Variants in MTREX observed in about 807,000 individuals in gnomAD.
MTREX encodes the protein exosome RNA helicase MTR4.
Under a neutral mutation model 135.4 loss-of-function variants are expected in MTREX, and 76 were observed. The observed-to-expected ratio is 0.56, with a 90% CI of 0.47 to 0.68. The LOEUF (loss-of-function observed/expected upper bound fraction) is 0.68. Ranked by LOEUF, MTREX falls within the 30% of genes least tolerant of loss-of-function variation. MTREX has a pLI of 0.00. For synonymous variants in MTREX, 404 were observed against 401.6 expected (o/e 1.01, Z -0.07); for missense variants, 920 against 1,262.1 (o/e 0.73, Z 4.11).
chr5:55,328,285 A>C (rs1749415593), intron 4 of MTREX, among the ~76,000 whole-genome samples: 1 of 152,202 alleles, frequency 6.6e-6, no homozygotes. Flanking sequence ...TACGGAGTGA[A>C]CTTTACTGAG....
intron 12 of MTREX, 129 bp downstream of exon 12, chr5:55,349,781 T>A: frequency 1.9e-6 from 1 of 537,962 alleles, no homozygotes; most frequent in Non-Finnish European, 3.3e-6. Flanking sequence ...TGATATGCCC[T>A]TAATGATACT....
In MTREX at chr5:55,349,582, AG is replaced by A. The variant is rs1445650082; in HGVS notation, c.1251del (p.Lys418ArgfsTer24). 6 of 1,586,450 alleles carry A rather than the reference AG, an allele frequency of 3.8e-6. No homozygotes were observed. Among genetic ancestry groups the A allele is most frequent in the Non-Finnish European group, 4.3e-6 (5 of 1,156,046 alleles). On this transcript the variant is annotated frameshift_variant, in exon 12 of 27. Coordinates refer to ENST00000230640, the MANE Select transcript of MTREX (RefSeq NM_015360.5). LOFTEE classifies it high-confidence loss of function. ...TTGAATTTTCTCCTAGATGAAGAAA[AG>A]AAGATGGTTGAAGAAGTATTCAGTA... ...TKLDFNTDEEKKMVEEVFSNA... is the reference protein window; with the variant it reads ...TKLDFNTDEEXKMVEEVFSNA...
intron 21 of MTREX, among the ~76,000 whole-genome samples, chr5:55,401,804 A>G (rs1750726744): frequency 6.6e-6 from 1 of 152,222 alleles, no homozygotes; most frequent in Non-Finnish European, 1.5e-5. Context: ...TTTGACGTGA[A>G]CACAATCCTT....
Position 55,400,396 on chromosome 5 carries a change from A to G in MTREX, c.2456A>G (p.Tyr819Cys), listed in dbSNP as rs143871302. The change falls in exon 21 of 27, where the codon TAT (tyrosine) becomes TGT (cysteine). Residue 819 changes from tyrosine (Y) to cysteine (C), a missense_variant. Physicochemically the swap from Tyr to Cys is radical, Grantham distance 194. This residue lies in a region of MTREX where 467 missense variants were observed against 589.7 expected (regional missense o/e 0.79). Coordinates refer to ENST00000230640, the MANE Select transcript of MTREX (RefSeq NM_015360.5). ...AATGATCCAAATTTGGAAACTGTGT[A>G]TACGCTTTGTGAAAAAAAAGCACAG... Reference protein sequence around the residue: ...LHNDPNLETVYTLCEKKAQIA... With the variant: ...LHNDPNLETVCTLCEKKAQIA... 2 of 1,595,502 alleles carry G rather than the reference A, an allele frequency of 1.3e-6. No homozygotes were observed. The highest frequency in any genetic ancestry group is 2.2e-5 in the East Asian group (1 of 44,582).
chr5:55,353,305 G>T (rs1290989366), intron 14 of MTREX, 36 bp downstream of exon 14: 1 of 1,417,950 alleles, frequency 7.1e-7, no homozygotes, highest in Non-Finnish European at 9.9e-7. Context: ...AATAATTTTT[G>T]TCTTTGTTAT....
At chr5:55,389,652 A>G (rs113343461) in intron 19 of MTREX, among the ~76,000 whole-genome samples, 5 of 152,320 alleles carry the variant, frequency 3.3e-5, no homozygotes, top group African/African-American at 9.6e-5. Context: ...TTGTAGGAAC[A>G]TGAGTACCTT....
At position 55,403,540 on chromosome 5, in the gene MTREX, T is replaced by A. The variant is rs537139959; in HGVS notation, c.2482-1885T>A. Among the ~76,000 whole-genome samples, 9 of 152,370 alleles carry A rather than the reference T, an allele frequency of 5.9e-5. No individual in the cohort carries two copies. The East Asian group carries it at 1.7e-3, about 29-fold the overall frequency. On this transcript the variant is annotated intron_variant, in intron 21 of 26. Coordinates refer to ENST00000230640, the MANE Select transcript of MTREX (RefSeq NM_015360.5). ...TACAAACATTACTCAAGAAAAAATG[T>A]CTTAAATATTGGACTCTCTTCTACC...
In MTREX at chr5:55,349,226, G is replaced by A. The variant is rs554437889; in HGVS notation, c.1241-347G>A. The stretch of plus-strand genomic sequence containing the variant: ...TTCTGAGATGGGGTCTCACTCTGTT[G>A]CCAGGACTGGAGTGTAGTGGTGCGA... On this transcript the variant is annotated intron_variant, in intron 11 of 26. Coordinates refer to ENST00000230640, the MANE Select transcript of MTREX (RefSeq NM_015360.5). Among the ~76,000 whole-genome samples the A allele has an allele frequency of 5.8e-3, 807 of 139,246 alleles. 4 individuals carry two copies. Among genetic ancestry groups the A allele is most frequent in the Non-Finnish European group, 8.0e-3 (525 of 65,920 alleles). The allele number at this position is 139,246 out of a possible 152,430, so 91.4% of individuals were successfully genotyped here. A position where few individuals can be genotyped will look rare whatever the true frequency, so the allele number is the denominator to read the frequency against.
chr5:55,342,189 C>G (rs1000992531), intron 7 of MTREX, among the ~76,000 whole-genome samples: 1 of 152,124 alleles, frequency 6.6e-6, no homozygotes, highest in African/African-American at 2.4e-5. Flanking sequence ...GGATTACAGG[C>G]GTGAACCGCA....
At chr5:55,324,381 G>A (rs1579849050) in intron 3 of MTREX, 183 bp downstream of exon 3, 1 of 178,860 alleles carries the variant, frequency 5.6e-6, no homozygotes, top group East Asian at 1.1e-4. Flanking sequence ...TCCTCCCCCA[G>A]CATTTTTCTT....
chr5:55,408,200 C>G (rs1750835595), intron 22 of MTREX, among the ~76,000 whole-genome samples: 1 of 152,162 alleles, frequency 6.6e-6, no homozygotes, highest in South Asian at 2.1e-4. Context: ...TTTCCTTTTG[C>G]TTCATATGAC....
intron 16 of MTREX, among the ~76,000 whole-genome samples, chr5:55,377,018 C>T (rs2112097493): frequency 6.6e-6 from 1 of 151,656 alleles, no homozygotes; most frequent in Non-Finnish European, 1.5e-5. Flanking sequence ...TTGCAGTGAG[C>T]CAAGACTGTC....
chr5:55,343,831 C>T (rs930285410), intron 8 of MTREX, among the ~76,000 whole-genome samples: 2 of 152,160 alleles, frequency 1.3e-5, no homozygotes, highest in African/African-American at 4.8e-5. Context: ...AGCTGGGCAT[C>T]TCTGGAGCAT....
intron 25 of MTREX, among the ~76,000 whole-genome samples, chr5:55,420,568 A>G (rs181868397): frequency 1.4e-4 from 21 of 152,328 alleles, no homozygotes; most frequent in Admixed American, 1.1e-3. Flanking sequence ...ATGCTACAAT[A>G]TGGACAAACC....
intron 10 of MTREX, 110 bp downstream of exon 10, chr5:55,345,306 C>A: frequency 2.9e-6 from 2 of 683,858 alleles, no homozygotes; most frequent in Non-Finnish European, 5.2e-6. Context: ...AAGGTCTAGA[C>A]GATATGTGAT....
At chr5:55,374,922 A>G (rs1363134503) in intron 16 of MTREX, among the ~76,000 whole-genome samples, 1 of 152,168 alleles carries the variant, frequency 6.6e-6, no homozygotes, top group Non-Finnish European at 1.5e-5. Flanking sequence ...AAAGGGACAG[A>G]GTACAAAAGA....
At position 55,378,338 on chromosome 5, in the gene MTREX, A is replaced by G. The variant is rs762892934; in HGVS notation, c.1835A>G (p.Tyr612Cys). 9 of 1,605,186 alleles carry G rather than the reference A, an allele frequency of 5.6e-6. No individual in the cohort carries two copies. In the African/African-American group the frequency reaches 1.1e-4, roughly 19 times the overall value. Reference protein sequence around the residue: ...VEKVKNSEEQYNKIVIPNEES... With the variant: ...VEKVKNSEEQCNKIVIPNEES... ...GAGGTAAAGAATTCAGAAGAACAGT[A>G]TAATAAAATAGTAATTCCCAATGAA... is the stretch of plus-strand genomic sequence containing the variant. The change falls in exon 17 of 27, where the codon TAT becomes TGT. Residue 612 changes from tyrosine to cysteine, a missense_variant. Coordinates refer to ENST00000230640, the MANE Select transcript of MTREX (RefSeq NM_015360.5).
At chr5:55,357,386 G>C (rs1749936820) in intron 14 of MTREX, 1 of 152,854 alleles carries the variant, frequency 6.5e-6, no homozygotes, top group Non-Finnish European at 1.5e-5. Flanking sequence ...TTGACTGGCT[G>C]CTGGAAACCT....
At chr5:55,403,584 T>G (rs1561209983) in intron 21 of MTREX, among the ~76,000 whole-genome samples, 3 of 152,242 alleles carry the variant, frequency 2.0e-5, no homozygotes, top group Non-Finnish European at 4.4e-5. Flanking sequence ...TTTATAAGCC[T>G]CACAGTTATT....
Sources: gnomAD v4.1 joint callset for allele counts (sites outside exome capture counted in the v4.1 genomes callset) on GRCh38, gnomAD v4.1.1 for gene constraint, gnomAD v4.1.1 regional missense constraint, MANE v1.5 for transcripts, NCBI Gene and HGNC (gene_info 2026-07-23, HGNC 2026-07-21) for gene names.